The following SDK1 variants were observed in gnomAD, a reference collection of about 807,000 sequenced individuals.
The protein encoded by SDK1 is sidekick cell adhesion molecule 1.
SDK1 carries 157 observed loss-of-function variants against 245.5 expected under a neutral mutation model. The ratio of observed to expected loss-of-function variants is 0.64; its 90% confidence interval spans 0.56 to 0.73. The LOEUF is 0.73. SDK1 is among the 30% of genes least tolerant of loss of function. SDK1 has a pLI of 0.00. For missense variants in SDK1, 3,583 were observed against 3,002.3 expected, an observed-to-expected ratio of 1.19 and a Z score of -4.52; for synonymous variants, 1,647 against 1,278.5, an observed-to-expected ratio of 1.29 and a Z score of -6.15.
chr7:3,713,279 C>T (rs1216459685), intron 4 of SDK1, among the ~76,000 whole-genome samples: 5 of 152,210 alleles, frequency 3.3e-5, no homozygotes, highest in Non-Finnish European at 1.5e-5. Context: ...CGTCTGGGAG[C>T]TCAGGCTCTG....
At chr7:4,097,460 C>T (rs976760530) in intron 22 of SDK1, among the ~76,000 whole-genome samples, 20 of 152,356 alleles carry the variant, frequency 1.3e-4, no homozygotes, top group Admixed American at 1.2e-3. Context: ...TGCCAGGAAG[C>T]GCCTGTGAGC....
At chr7:3,436,735 A>C (rs1780032661) in intron 1 of SDK1, among the ~76,000 whole-genome samples, 1 of 152,144 alleles carries the variant, frequency 6.6e-6, no homozygotes, top group African/African-American at 2.4e-5. Flanking sequence ...AATCGTGAAG[A>C]ATGTTTAAAT....
intron 3 of SDK1, among the ~76,000 whole-genome samples, chr7:3,641,143 T>G (rs1422297690): frequency 6.6e-6 from 1 of 152,218 alleles, no homozygotes; most frequent in African/African-American, 2.4e-5. Context: ...GTCTTTTGAC[T>G]GAAGAAGACA....
chr7:3,700,738 A>G (rs1194458744), intron 4 of SDK1, among the ~76,000 whole-genome samples: 3 of 152,242 alleles, frequency 2.0e-5, no homozygotes, highest in Non-Finnish European at 4.4e-5. Flanking sequence ...AAATACACCA[A>G]TGAAAATGTA....
rs1431659615 is a variant in SDK1, at chr7:3,518,471, C to G, written c.299-100609C>G. ...ACTAATATCCAGAATGTACTAGGAA[C>G]TTAAACATCTGAACAGAAAAAAAAA... On this transcript the variant is annotated intron_variant, in intron 1 of 44. Transcript: ENST00000404826. Among the ~76,000 whole-genome samples, 21 of 149,180 alleles carry G rather than the reference C, an allele frequency of 1.4e-4. No homozygotes were observed. In the East Asian group the frequency reaches 4.1e-3, roughly 29 times the overall value.
At chr7:4,139,083 G>A (rs1468077832) in intron 28 of SDK1, among the ~76,000 whole-genome samples, 1 of 152,160 alleles carries the variant, frequency 6.6e-6, no homozygotes, top group African/African-American at 2.4e-5. Flanking sequence ...GAGGCTAACA[G>A]GTTCTCCACC....
At chr7:3,365,766 C>G (rs1002349434) in intron 1 of SDK1, among the ~76,000 whole-genome samples, 17 of 152,104 alleles carry the variant, frequency 1.1e-4, no homozygotes, top group African/African-American at 3.6e-4. Flanking sequence ...GGCGTGGTGG[C>G]TCATGCCTGT....
At chr7:4,189,207 C>T (rs112514388) in intron 35 of SDK1, among the ~76,000 whole-genome samples, 17 of 152,242 alleles carry the variant, frequency 1.1e-4, no homozygotes, top group African/African-American at 3.9e-4. Flanking sequence ...GGGCTGGCAG[C>T]GCTCCTGGTG....
chr7:4,205,060 A>G (rs1784139357), intron 35 of SDK1, among the ~76,000 whole-genome samples: 1 of 76,470 alleles, frequency 1.3e-5, no homozygotes, highest in South Asian at 4.2e-4. Flanking sequence ...TGCGTGTGCC[A>G]TGCAGCCCTG....
intron 1 of SDK1, among the ~76,000 whole-genome samples, chr7:3,434,584 C>T (rs1278668126): frequency 6.6e-6 from 1 of 152,172 alleles, no homozygotes; most frequent in Non-Finnish European, 1.5e-5. Context: ...ATCTCTGGCT[C>T]AGGCTCAAAG....
intron 41 of SDK1, among the ~76,000 whole-genome samples, chr7:4,235,681 C>T (rs973212156): frequency 6.6e-6 from 1 of 152,216 alleles, no homozygotes; most frequent in African/African-American, 2.4e-5. Flanking sequence ...GCCGGTTCCT[C>T]ATGCGGAACG....
At chr7:3,792,325 C>T (rs1267961697) in intron 4 of SDK1, among the ~76,000 whole-genome samples, 2 of 152,042 alleles carry the variant, frequency 1.3e-5, no homozygotes, top group Non-Finnish European at 2.9e-5. Flanking sequence ...ATGTGCCTTT[C>T]CTCCTCCCTC....
chr7:3,522,963 A>T (rs1782993147), intron 1 of SDK1, among the ~76,000 whole-genome samples: 1 of 28,820 alleles, frequency 3.5e-5, no homozygotes. Flanking sequence ...TTGGCTCTTA[A>T]ATTTTAATAG....
intron 4 of SDK1, among the ~76,000 whole-genome samples, chr7:3,693,163 G>A (rs1583313799): frequency 6.6e-6 from 1 of 152,010 alleles, no homozygotes; most frequent in Admixed American, 6.6e-5. Context: ...CAAATAAAAT[G>A]TTGTATACTC....
intron 1 of SDK1, among the ~76,000 whole-genome samples, chr7:3,432,476 C>T (rs1779882340): frequency 6.6e-6 from 1 of 152,080 alleles, no homozygotes; most frequent in Non-Finnish European, 1.5e-5. Context: ...AACATGTAAA[C>T]AAGCTCAAAG....
chr7:3,884,516 G>A (rs1781291564), intron 5 of SDK1, among the ~76,000 whole-genome samples: 1 of 152,184 alleles, frequency 6.6e-6, no homozygotes, highest in Admixed American at 6.5e-5. Flanking sequence ...CCGTTTCTCA[G>A]ATGAGGACAC....
Position 4,161,862 on chromosome 7 carries a change from A to G in SDK1, c.4800+6A>G. The G allele has an allele frequency of 6.2e-7, 1 of 1,613,244 alleles. No homozygotes were observed. Among genetic ancestry groups the G allele is most frequent in the Non-Finnish European group, 8.5e-7 (1 of 1,179,232 alleles). The stretch of plus-strand genomic sequence containing the variant: ...CTGTCCTGATACAGTGGCAGGTAAG[A>G]GCGCGGGGAATCACGCGCGTTTTGT... On this transcript the variant is annotated splice_donor_region_variant and intron_variant, in intron 32 of 44. Transcript: ENST00000404826.
chr7:4,208,409 A>G, intron 37 of SDK1, 124 bp downstream of exon 37: 4 of 829,026 alleles, frequency 4.8e-6, no homozygotes, highest in Middle Eastern at 3.5e-4. Flanking sequence ...CCTTTTGAGT[A>G]GCTGGGAGTT....
At chr7:3,768,284 G>A (rs1370669599) in intron 4 of SDK1, among the ~76,000 whole-genome samples, 5 of 152,212 alleles carry the variant, frequency 3.3e-5, no homozygotes, top group African/African-American at 1.2e-4. Context: ...ATGTGCAAGA[G>A]CATAGACATG....
Sources: gnomAD v4.1 joint callset for allele counts (sites outside exome capture counted in the v4.1 genomes callset) on GRCh38, gnomAD v4.1.1 for gene constraint, MANE v1.5 for transcripts, NCBI Gene and HGNC (gene_info 2026-07-23, HGNC 2026-07-21) for gene names.